The following HLCS variants were observed in gnomAD, a reference collection of about 807,000 sequenced individuals.
The protein encoded by HLCS is biotin--protein ligase.
A neutral mutation model predicts 75.0 loss-of-function variants in HLCS; 53 were observed. The ratio of observed to expected loss-of-function variants is 0.71; its 90% CI spans 0.57 to 0.89. The LOEUF is 0.89. Among genes scored for constraint, HLCS ranks in the 40% least tolerant of loss-of-function variants. The pLI is 0.00. For synonymous variants in HLCS, 431 were observed against 428.6 expected, an observed-to-expected ratio of 1.01 and a Z score of -0.07; for missense variants, 966 against 1,074.0, an observed-to-expected ratio of 0.90 and a Z score of 1.41.
intron 6 of HLCS, among the ~76,000 whole-genome samples, chr21:36,889,821 C>T (rs535473095): frequency 2.2e-4 from 34 of 152,282 alleles, no homozygotes; most frequent in Non-Finnish European, 4.4e-4. Context: ...TAGGAAATAG[C>T]ACAGAAAAAT....
At chr21:36,984,188 T>A (rs913369893) in intron 1 of HLCS, among the ~76,000 whole-genome samples, 10 of 148,522 alleles carry the variant, frequency 6.7e-5, no homozygotes, top group Admixed American at 3.4e-4. Flanking sequence ...ATAAGGAACA[T>A]ATTAAGCAAA....
At chr21:36,758,757 C>A (rs550017456) in intron 9 of HLCS, among the ~76,000 whole-genome samples, 1 of 151,954 alleles carries the variant, frequency 6.6e-6, no homozygotes, top group African/African-American at 2.4e-5. Context: ...CCGAGGCGGG[C>A]GGATCATGAG....
chr21:36,884,036 A>C (rs978402256), intron 6 of HLCS, among the ~76,000 whole-genome samples: 1 of 152,198 alleles, frequency 6.6e-6, no homozygotes, highest in African/African-American at 2.4e-5. Flanking sequence ...GGCAATTCAC[A>C]TGGTCACCCA....
chr21:36,922,995 G>A (rs1376962622), intron 5 of HLCS, among the ~76,000 whole-genome samples: 3 of 152,210 alleles, frequency 2.0e-5, no homozygotes, highest in South Asian at 2.1e-4. Flanking sequence ...GACACCACCA[G>A]CTCCGCGGCC....
At chr21:36,818,131 C>T (rs1181734130) in intron 6 of HLCS, among the ~76,000 whole-genome samples, 2 of 152,140 alleles carry the variant, frequency 1.3e-5, no homozygotes, top group East Asian at 1.9e-4. Context: ...TACACTAATG[C>T]TTCTAGCCAT....
chr21:36,834,472 G>A (rs2062333752), intron 6 of HLCS, among the ~76,000 whole-genome samples: 1 of 152,226 alleles, frequency 6.6e-6, no homozygotes, highest in African/African-American at 2.4e-5. Context: ...AAGAGTGACT[G>A]AGCCCAGGGG....
At chr21:36,809,176 T>C (rs1411988692) in intron 6 of HLCS, among the ~76,000 whole-genome samples, 1 of 151,782 alleles carries the variant, frequency 6.6e-6, no homozygotes, top group Non-Finnish European at 1.5e-5. Context: ...ATCATGCCAC[T>C]GCACTCCAAC....
At chr21:36,932,888 C>T (rs1238096611) in intron 4 of HLCS, among the ~76,000 whole-genome samples, 2 of 152,074 alleles carry the variant, frequency 1.3e-5, no homozygotes, top group Non-Finnish European at 2.9e-5. Flanking sequence ...CAGGCCGAGG[C>T]GGGAGGATCA....
chr21:36,798,017 GAAGCCCTCTC>G (rs2145907203), intron 6 of HLCS, among the ~76,000 whole-genome samples: 1 of 145,928 alleles, frequency 6.9e-6, no homozygotes, highest in South Asian at 2.2e-4. Context: ...ATGGTGGGGA[GAAGCCCTCTC>G]TGATAAGCTA....
intron 6 of HLCS, among the ~76,000 whole-genome samples, chr21:36,875,970 G>A (rs1338299895): frequency 1.3e-5 from 2 of 151,728 alleles, no homozygotes; most frequent in East Asian, 3.9e-4. Context: ...TTGTCTAGGT[G>A]CTGGTGCCTG....
chr21:36,813,442 C>T (rs563811351), intron 6 of HLCS, among the ~76,000 whole-genome samples: 1 of 152,100 alleles, frequency 6.6e-6, no homozygotes, highest in Non-Finnish European at 1.5e-5. Flanking sequence ...AGAATTCTAC[C>T]ACACTGCCTA....
At chr21:36,973,692 G>A (rs1047411545) in intron 1 of HLCS, 2 of 152,200 alleles carry the variant, frequency 1.3e-5, no homozygotes, top group Non-Finnish European at 2.9e-5. Flanking sequence ...GCTACAACAT[G>A]ACAAAACACC....
chr21:36,792,603 G>A (rs894595444), intron 6 of HLCS, among the ~76,000 whole-genome samples: 14 of 152,102 alleles, frequency 9.2e-5, no homozygotes, highest in Non-Finnish European at 1.9e-4. Context: ...TTAGACTGAT[G>A]GGAGCAATGA....
At chr21:36,847,395 A>G (rs2062833939) in intron 6 of HLCS, among the ~76,000 whole-genome samples, 1 of 152,204 alleles carries the variant, frequency 6.6e-6, no homozygotes, top group Admixed American at 6.5e-5. Flanking sequence ...TGAATCATTG[A>G]AAAGGAATTT....
intron 5 of HLCS, among the ~76,000 whole-genome samples, chr21:36,906,412 T>C (rs1345418582): frequency 6.6e-6 from 1 of 152,164 alleles, no homozygotes; most frequent in Non-Finnish European, 1.5e-5. Flanking sequence ...CATGCACCTG[T>C]AGTCCCAGCT....
Position 36,946,324 on chromosome 21 carries a change from C to G in HLCS, c.331-7330G>C, listed in dbSNP as rs1431167755. ...TGGTGCAGTCATGGCTCATTGCAGCCTCGACTTCCTGGGCTCCAGCAATCC... is the reference window on the plus strand; with the variant it reads ...TGGTGCAGTCATGGCTCATTGCAGCGTCGACTTCCTGGGCTCCAGCAATCC... On this transcript the variant is annotated intron_variant, in intron 2 of 10. Coordinates refer to ENST00000674895, the MANE Select transcript of HLCS (RefSeq NM_001352514.2). Among the ~76,000 whole-genome samples the G allele has an allele frequency of 2.6e-5, 4 of 151,988 alleles. No homozygotes were observed. The East Asian group carries it at 5.8e-4, about 22-fold the overall frequency.
At chr21:36,829,340 G>GT (rs2062116138) in intron 6 of HLCS, among the ~76,000 whole-genome samples, 1 of 152,112 alleles carries the variant, frequency 6.6e-6, no homozygotes, top group Non-Finnish European at 1.5e-5. Context: ...GTCAAATGTA[G>GT]TAACATTCAC....
chr21:36,761,465 G>T (rs887969948), intron 8 of HLCS, among the ~76,000 whole-genome samples: 4 of 152,098 alleles, frequency 2.6e-5, no homozygotes, highest in Non-Finnish European at 4.4e-5. Flanking sequence ...AGCATGGGGG[G>T]TGCGCAATGA....
In HLCS at chr21:36,810,124, A is replaced by G. The variant is rs560595082; in HGVS notation, c.1893-42839T>C. On this transcript the variant is annotated intron_variant, in intron 6 of 10. Coordinates refer to ENST00000674895, the MANE Select transcript of HLCS (RefSeq NM_001352514.2). ...TCCCCTTGGGGTTGAACTTCATTTG[A>G]TTTCTCTTTTTCTTGATTTGAGACA... is the stretch of plus-strand genomic sequence containing the variant. Among the ~76,000 whole-genome samples, 17 of 152,094 alleles carry G rather than the reference A, an allele frequency of 1.1e-4. 1 individual carries two copies. In the South Asian group the frequency reaches 3.5e-3, roughly 32 times the overall value.
Sources: gnomAD v4.1 joint callset for allele counts (sites outside exome capture counted in the v4.1 genomes callset) on GRCh38, gnomAD v4.1.1 for gene constraint, MANE v1.5 for transcripts, NCBI Gene and HGNC (gene_info 2026-07-23, HGNC 2026-07-21) for gene names.